ATP13A3: variants seen among roughly 807,000 people sequenced by gnomAD.
ATP13A3 encodes the protein ATPase 13A3, also known as polyamine-transporting ATPase 13A3.
A neutral mutation model predicts 158.1 loss-of-function variants in ATP13A3; 59 were observed. The observed-to-expected ratio is 0.37, with a 90% CI of 0.30 to 0.46. The LOEUF (loss-of-function observed/expected upper bound fraction) is 0.46. Ranked by LOEUF, ATP13A3 falls within the 20% of genes least tolerant of loss-of-function variation. ATP13A3 has a pLI of 1.00. For synonymous variants in ATP13A3, 491 were observed against 504.3 expected (o/e 0.97, Z 0.35); for missense variants, 1,166 against 1,525.2 (o/e 0.76, Z 3.92).
chr3:194,407,487 C>G (rs1308641594), intron 33 of ATP13A3, among the ~76,000 whole-genome samples: 1 of 152,192 alleles, frequency 6.6e-6, no homozygotes, highest in Non-Finnish European at 1.5e-5. Context: ...CTTGGTAGCT[C>G]TTTCTCATCC....
intron 14 of ATP13A3, 81 bp from the exon 15 acceptor site, chr3:194,444,867 C>T: frequency 9.4e-7 from 1 of 1,069,424 alleles, no homozygotes; most frequent in African/African-American, 1.6e-5. Flanking sequence ...AAAAAGCAAC[C>T]ACACAGCATT....
Position 194,460,528 on chromosome 3 carries a change from T to C in ATP13A3, c.225+130A>G. The C allele has an allele frequency of 3.2e-6, 3 of 932,040 alleles. No homozygotes were observed. The South Asian group carries it at 5.5e-5, about 17-fold the overall frequency. 57.7% of individuals were successfully genotyped at this position (932,040 alleles called of 1,614,324 possible). ...AATTCAAACACAAATCCTCTAGAAA[T>C]ACTAGAATTAGCATTCCTCATTTTA... On this transcript the variant is annotated intron_variant, in intron 4 of 33. Transcript: ENST00000645319.
rs552323121 is a variant in ATP13A3, at chr3:194,424,845, G to A, written c.3313+497C>T. ...AAGATACTAGAAATGAAGAATCCCA[G>A]AGGTGAACACAGGCCACACCAGCGT... On this transcript the variant is annotated intron_variant, in intron 30 of 33. Transcript: ENST00000645319. 5.3e-5 allele frequency among the ~76,000 whole-genome samples: 8 copies of A among 152,290 alleles called. No homozygotes were observed. The South Asian group carries it at 1.7e-3, about 32-fold the overall frequency.
upstream of ATP13A3, among the ~76,000 whole-genome samples, chr3:194,490,511 C>T (rs553794846): frequency 7.5e-4 from 114 of 152,336 alleles, no homozygotes; most frequent in Middle Eastern, 3.4e-3. This position sits in a 1 kb window ranked among gnomAD's most constrained non-coding sequence, Gnocchi z 4.4. Flanking sequence ...CCATCTCAGC[C>T]TCCGCAGGTG....
intron 16 of ATP13A3, among the ~76,000 whole-genome samples, chr3:194,439,383 G>A (rs750324005): frequency 1.3e-5 from 2 of 152,184 alleles, no homozygotes; most frequent in Non-Finnish European, 2.9e-5. Context: ...AGTACATAGA[G>A]CTCAGATATG....
intron 30 of ATP13A3, chr3:194,424,394 A>C (rs920988341): frequency 6.6e-6 from 1 of 152,106 alleles, no homozygotes; most frequent in Admixed American, 6.6e-5. Context: ...ATCAGATTGT[A>C]ATCTTACCTG....
intron 2 of ATP13A3, among the ~76,000 whole-genome samples, chr3:194,473,635 A>C (rs1189743428): frequency 6.6e-6 from 1 of 152,190 alleles, no homozygotes; most frequent in African/African-American, 2.4e-5. Flanking sequence ...TGATCTCAGA[A>C]GATATTTAAA....
At chr3:194,420,024 G>A in intron 30 of ATP13A3, 57 bp from the exon 31 acceptor site, 1 of 1,441,960 alleles carries the variant, frequency 6.9e-7, no homozygotes, top group Non-Finnish European at 9.1e-7. Flanking sequence ...TATATAAAAA[G>A]GCATCCAATA....
rs770559777 is a variant in ATP13A3, at chr3:194,425,480, T to C, written c.3175A>G (p.Asn1059Asp). ...TTATGTTCATCAAGTTCGGTTTCATTGTCTACGTGTGAAGAATTCCAAAAC... is the reference window on the plus strand; with the variant it reads ...TTATGTTCATCAAGTTCGGTTTCATCGTCTACGTGTGAAGAATTCCAAAAC... ...SGFWNSSHVD[N>D]ETELDEHNIQ... is the part of the protein sequence containing the mutation. Residue 1059 changes from asparagine (N) to aspartate (D), a missense_variant, in exon 30 of 34, where the codon AAT becomes GAT. Physicochemically the swap from Asn to Asp is conservative, Grantham distance 23. Coordinates refer to ENST00000645319, the MANE Select transcript of ATP13A3 (RefSeq NM_001367549.1). The C allele has an allele frequency of 1.9e-6, 3 of 1,613,660 alleles. No homozygotes were observed. Among genetic ancestry groups the C allele is most frequent in the East Asian group, 4.5e-5 (2 of 44,868 alleles).
chr3:194,456,791 C>G (rs866515152), intron 7 of ATP13A3, among the ~76,000 whole-genome samples: 1 of 152,118 alleles, frequency 6.6e-6, no homozygotes, highest in East Asian at 1.9e-4. Flanking sequence ...AACGACACTT[C>G]ACCAACTCTA....
chr3:194,420,966 G>T (rs1716247241), intron 30 of ATP13A3, among the ~76,000 whole-genome samples: 1 of 149,574 alleles, frequency 6.7e-6, no homozygotes, highest in South Asian at 2.1e-4. Flanking sequence ...GACTGTAAAT[G>T]AAGGGTCTCA....
chr3:194,412,322 A>C (rs1273538013), intron 32 of ATP13A3, 34 bp from the exon 33 acceptor site: 3 of 1,473,506 alleles, frequency 2.0e-6, no homozygotes, highest in Non-Finnish European at 2.8e-6. Flanking sequence ...AGAATTAATA[A>C]TGACTAAGTC....
intron 31 of ATP13A3, among the ~76,000 whole-genome samples, chr3:194,414,995 G>A (rs1715719083): frequency 6.6e-6 from 1 of 152,202 alleles, no homozygotes; most frequent in Non-Finnish European, 1.5e-5. Flanking sequence ...TCACCAGAAT[G>A]TATTGAGTGA....
At chr3:194,426,242 A>T (rs1716759791) in intron 29 of ATP13A3, among the ~76,000 whole-genome samples, 1 of 152,164 alleles carries the variant, frequency 6.6e-6, no homozygotes, top group South Asian at 2.1e-4. Context: ...AGTAATGTTA[A>T]ATCTCCTACA....
intron 33 of ATP13A3, among the ~76,000 whole-genome samples, chr3:194,406,944 C>A (rs1007692853): frequency 6.6e-6 from 1 of 152,140 alleles, no homozygotes; most frequent in Non-Finnish European, 1.5e-5. Context: ...AGTATTATTT[C>A]ATTGCAAAAA....
At position 194,433,882 on chromosome 3, in the gene ATP13A3, T is replaced by C. The variant is rs1717430274; in HGVS notation, c.2135A>G (p.Asn712Ser). Reference sequence around the variant, plus strand: ...AATTAATCCCATAAAATCCATGTTGTTCTCAATTGCATCTCTGCAGAAAAA... The same window carrying C: ...AATTAATCCCATAAAATCCATGTTGCTCTCAATTGCATCTCTGCAGAAAAA... ...VQNISRDAIE[N>S]NMDFMGLIIM... is the part of the protein sequence containing the mutation. Residue 712 changes from asparagine to serine, a missense_variant, in exon 21 of 34, where the codon AAC (asparagine) becomes AGC (serine). This residue lies in a region of ATP13A3 where 997 missense variants were observed against 1,341.2 expected (regional missense o/e 0.74). Transcript: ENST00000645319. 1 of 1,613,900 alleles carries C rather than the reference T, an allele frequency of 6.2e-7. No individual in the cohort carries two copies. Among genetic ancestry groups the C allele is most frequent in the African/African-American group, 1.3e-5 (1 of 75,062 alleles).
intron 2 of ATP13A3, among the ~76,000 whole-genome samples, chr3:194,463,385 T>G (rs1178105712): frequency 2.0e-5 from 3 of 152,096 alleles, no homozygotes; most frequent in African/African-American, 7.2e-5. Flanking sequence ...TAACTTTTTG[T>G]TTTTTTAGAA....
intron 2 of ATP13A3, among the ~76,000 whole-genome samples, chr3:194,471,411 T>C (rs1577089730): frequency 6.6e-6 from 1 of 151,428 alleles, no homozygotes; most frequent in Admixed American, 6.6e-5. Flanking sequence ...TGGAATGCAG[T>C]GGCACAATCT....
At position 194,402,986 on chromosome 3, in the gene ATP13A3, A is replaced by G. The variant is rs894445185; in HGVS notation, c.*2933T>C. The G allele has an allele frequency of 6.6e-6, 1 of 152,206 alleles. No individual in the cohort carries two copies. The allele number at this position is 152,206 out of a possible 1,614,324, so 9.4% of individuals were successfully genotyped here. ...GTAAATGCCCACAGACTGTACAAAA[A>G]TTAACACCCCATTTTGTTAAAAGTT... is the stretch of plus-strand genomic sequence containing the variant. On this transcript the variant is annotated 3_prime_UTR_variant, in exon 34 of 34. Transcript: ENST00000645319.
Sources: gnomAD v4.1 joint callset for allele counts (sites outside exome capture counted in the v4.1 genomes callset) on GRCh38, gnomAD v4.1.1 for gene constraint, gnomAD v4.1.1 regional missense constraint, Gnocchi (gnomAD v3.1) non-coding constraint, MANE v1.5 for transcripts, NCBI Gene and HGNC (gene_info 2026-07-23, HGNC 2026-07-21) for gene names.